SOBP: variants seen among roughly 807,000 people sequenced by gnomAD.
The protein encoded by SOBP is sine oculis binding protein homolog.
A neutral mutation model predicts 53.6 loss-of-function variants in SOBP; 4 were observed. That is an observed-to-expected ratio of 0.07 (90% CI 0.04 to 0.17). SOBP has a LOEUF of 0.17. Ranked by LOEUF, SOBP falls within the 10% of genes least tolerant of loss-of-function variation. The probability of loss-of-function intolerance (pLI) is 1.00; values close to 1 mark genes in which losing one functional copy is unlikely to be tolerated. For missense variants in SOBP, 1,088 were observed against 1,204.7 expected, an observed-to-expected ratio of 0.90 and a Z score of 1.43; for synonymous variants, 584 against 522.6, an observed-to-expected ratio of 1.12 and a Z score of -1.60.
chr6:107,512,915 C>T (rs1783212517), intron 3 of SOBP, among the ~76,000 whole-genome samples: 1 of 152,100 alleles, frequency 6.6e-6, no homozygotes, highest in Non-Finnish European at 1.5e-5. Flanking sequence ...TTGCCTATTC[C>T]AAGTCCAGAA....
At chr6:107,495,609 C>G (rs191924208) in intron 1 of SOBP, among the ~76,000 whole-genome samples, 2 of 152,206 alleles carry the variant, frequency 1.3e-5, no homozygotes, top group Admixed American at 1.3e-4. Context: ...CTCTGAGAAG[C>G]CAAGCCCTAC....
chr6:107,549,916 T>C (rs1343917605), intron 4 of SOBP, among the ~76,000 whole-genome samples: 1 of 152,116 alleles, frequency 6.6e-6, no homozygotes, highest in Non-Finnish European at 1.5e-5. Context: ...TGGTAAGGTA[T>C]GGTCATGTTA....
chr6:107,599,186 C>T (rs1583255680), intron 5 of SOBP, among the ~76,000 whole-genome samples: 1 of 152,096 alleles, frequency 6.6e-6, no homozygotes, highest in Admixed American at 6.6e-5. Flanking sequence ...TGGTCAGTTT[C>T]TGCATCTGTA....
chr6:107,621,149 G>A, intron 5 of SOBP: 1 of 842,036 alleles, frequency 1.2e-6, no homozygotes, highest in Non-Finnish European at 1.4e-6. Context: ...TTTATTGGAG[G>A]AAAGGAGCTA....
chr6:107,634,428 C>G lies in SOBP; in HGVS notation c.1584C>G (p.Pro528=), dbSNP rs376193904. 7.5e-6 allele frequency: 12 copies of G among 1,607,208 alleles called. 1 individual carries two copies. In the Middle Eastern group the frequency reaches 8.2e-4, roughly 110 times the overall value. Residue 528 remains proline (P), a synonymous_variant, in exon 6 of 7, where the codon CCC becomes CCG. Coordinates refer to ENST00000317357, the MANE Select transcript of SOBP (RefSeq NM_018013.4). The surrounding 1 kb of genome is among the most constrained non-coding windows in gnomAD (Gnocchi z 4.5). The stretch of plus-strand genomic sequence containing the variant: ...CCCCGACCCTGCTCGTGCCGTACCC[C>G]GTGATCGTGCCCCTACCGGTGCCCA... ...VPPPTLLVPY[P]VIVPLPVPIP...
intron 4 of SOBP, among the ~76,000 whole-genome samples, chr6:107,572,311 T>C (rs1398022305): frequency 2.0e-5 from 3 of 151,962 alleles, no homozygotes; most frequent in African/African-American, 7.3e-5. Context: ...ACACTTTTTT[T>C]TTTTTTTTTT....
rs1263109503 is a variant in SOBP at position 107,633,928 on chromosome 6, C to A, written c.1084C>A (p.Pro362Thr). 6.2e-7 allele frequency: 1 copy of A among 1,614,118 alleles called. No homozygotes were observed. The highest frequency in any genetic ancestry group is 1.7e-5 in the Admixed American group (1 of 60,016). Residue 362 changes from proline (P) to threonine (T), a missense_variant, in exon 6 of 7, where the codon CCT becomes ACT. Pro to Thr is a conservative substitution (Grantham distance 38, BLOSUM62 -1). Transcript: ENST00000317357. ...CCCCATCAGCGAGACTCCAAATATC[C>A]CTCCTGTCTCCGTCCAGCCACCTGC... ...SIPISETPNI[P>T]PVSVQPPASI...
chr6:107,617,105 A>G (rs1786820460), intron 5 of SOBP, among the ~76,000 whole-genome samples: 1 of 152,190 alleles, frequency 6.6e-6, no homozygotes, highest in Non-Finnish European at 1.5e-5. Flanking sequence ...TCCTAACAGC[A>G]TGCAGGCATG....
intron 5 of SOBP, among the ~76,000 whole-genome samples, chr6:107,616,077 A>AGGGG (rs1301217995): frequency 1.8e-4 from 2 of 11,174 alleles, no homozygotes; most frequent in African/African-American, 5.4e-4. Context: ...TCATTGAGGA[A>AGGGG]GGGGGGTGGG....
chr6:107,493,492 C>G lies in SOBP; in HGVS notation c.96+2780C>G, dbSNP rs143220435. The stretch of plus-strand genomic sequence containing the variant: ...GAAGTGGAGGATCAGGAGGAGGCCC[C>G]CCTTAGGGAGATTTGGCTCAGGGAT... On this transcript the variant is annotated intron_variant, in intron 1 of 6. Coordinates refer to ENST00000317357, the MANE Select transcript of SOBP (RefSeq NM_018013.4). Among the ~76,000 whole-genome samples, 446 of 152,230 alleles carry G rather than the reference C, an allele frequency of 2.9e-3. 2 individuals carry two copies. Among genetic ancestry groups the G allele is most frequent in the African/African-American group, 0.01 (417 of 41,520 alleles).
chr6:107,508,075 A>G (rs1355499948), intron 3 of SOBP, among the ~76,000 whole-genome samples: 1 of 152,206 alleles, frequency 6.6e-6, no homozygotes. Context: ...CTGAGTTTCA[A>G]CAGCAGTACT....
At chr6:107,521,365 T>C (rs1280596469) in intron 3 of SOBP, among the ~76,000 whole-genome samples, 2 of 152,206 alleles carry the variant, frequency 1.3e-5, no homozygotes, top group Non-Finnish European at 2.9e-5. Context: ...TTTTTAAATA[T>C]TCTACTTAAT....
intron 4 of SOBP, among the ~76,000 whole-genome samples, chr6:107,575,054 C>G (rs527487557): frequency 6.6e-6 from 1 of 151,998 alleles, no homozygotes; most frequent in Non-Finnish European, 1.5e-5. Context: ...CTGGGGCGCA[C>G]GAGCAGTGTG....
In SOBP at chr6:107,494,789, A is replaced by G. The variant is rs974262415; in HGVS notation, c.96+4077A>G. Among the ~76,000 whole-genome samples, 4 of 152,192 alleles carry G rather than the reference A, an allele frequency of 2.6e-5. No homozygotes were observed. In the East Asian group the frequency reaches 5.8e-4, roughly 22 times the overall value. ...TTACGCTTCAGTCCTGATGCCTACA[A>G]TTTGGGTCAGGCACATCTGTTAGAG... is the stretch of plus-strand genomic sequence containing the variant. On this transcript the variant is annotated intron_variant, in intron 1 of 6. Transcript: ENST00000317357.
intron 4 of SOBP, among the ~76,000 whole-genome samples, chr6:107,572,354 G>A (rs1449799231): frequency 6.6e-6 from 1 of 150,792 alleles, no homozygotes; most frequent in Non-Finnish European, 1.5e-5. Flanking sequence ...CCCAGGCTGG[G>A]GTGCAGTGGT....
chr6:107,601,089 A>G lies in SOBP; in HGVS notation c.669+13914A>G, dbSNP rs1174490753. Among the ~76,000 whole-genome samples, 5 of 152,184 alleles carry G rather than the reference A, an allele frequency of 3.3e-5. No homozygotes were observed. The East Asian group carries it at 9.6e-4, about 29-fold the overall frequency. On this transcript the variant is annotated intron_variant, in intron 5 of 6. Coordinates refer to ENST00000317357, the MANE Select transcript of SOBP (RefSeq NM_018013.4). ...GGCTCTCTATTGGCAATTTTCCCCA[A>G]TCGGCTCAGACTCCAAGGTCTCTCC... is the stretch of plus-strand genomic sequence containing the variant.
intron 6 of SOBP, among the ~76,000 whole-genome samples, chr6:107,650,598 G>A (rs1771763052): frequency 1.3e-5 from 2 of 152,006 alleles, no homozygotes; most frequent in Non-Finnish European, 2.9e-5. Context: ...CATTGTTTTG[G>A]GACACCATGA....
At chr6:107,599,624 G>A (rs1248715690) in intron 5 of SOBP, among the ~76,000 whole-genome samples, 6 of 115,526 alleles carry the variant, frequency 5.2e-5, no homozygotes, top group East Asian at 3.9e-4. Context: ...AAAAAAAAAA[G>A]GTTGCTAGCT....
chr6:107,633,852 C>T lies in SOBP; in HGVS notation c.1008C>T (p.Asp336=). 1 of 1,614,212 alleles carries T rather than the reference C, an allele frequency of 6.2e-7. No individual in the cohort carries two copies. Among genetic ancestry groups the T allele is most frequent in the Non-Finnish European group, 8.5e-7 (1 of 1,180,030 alleles). Residue 336 remains aspartate (D), a synonymous_variant, in exon 6 of 7, where the codon GAC becomes GAT. Coordinates refer to ENST00000317357, the MANE Select transcript of SOBP (RefSeq NM_018013.4). ...CGTCCACCACCGTCTCTCCATCTGACACTGCCAACTGCTCTGTCACTAAAA... is the reference window on the plus strand; with the variant it reads ...CGTCCACCACCGTCTCTCCATCTGATACTGCCAACTGCTCTGTCACTAAAA... ...PSASTTVSPS[D]TANCSVTKIP...
Sources: gnomAD v4.1 joint callset for allele counts (sites outside exome capture counted in the v4.1 genomes callset) on GRCh38, gnomAD v4.1.1 for gene constraint, Gnocchi (gnomAD v3.1) non-coding constraint, MANE v1.5 for transcripts, NCBI Gene and HGNC (gene_info 2026-07-23, HGNC 2026-07-21) for gene names.